Variants in PRKCZ observed in about 807,000 individuals in gnomAD.
PRKCZ encodes the protein protein kinase C zeta type.
A neutral mutation model predicts 79.5 loss-of-function variants in PRKCZ; 33 were observed. The observed-to-expected ratio is 0.41, with a 90% confidence interval of 0.31 to 0.55. PRKCZ has a LOEUF of 0.55. Ranked by LOEUF, PRKCZ falls within the 20% of genes least tolerant of loss-of-function variation. The pLI is 0.19. For missense variants in PRKCZ, 578 were observed against 813.5 expected, an observed-to-expected ratio of 0.71 and a Z score of 3.52; for synonymous variants, 342 against 320.9, an observed-to-expected ratio of 1.07 and a Z score of -0.70.
rs1250235560 is a variant in PRKCZ at position 2,082,221 on chromosome 1, C to T, written c.334+22630C>T. 3 of 367,704 alleles carry T rather than the reference C, an allele frequency of 8.2e-6. No individual in the cohort carries two copies. The highest frequency in any genetic ancestry group is 4.1e-5 in the South Asian group (2 of 49,048). 22.8% of individuals were successfully genotyped at this position (367,704 alleles called of 1,614,324 possible). On this transcript the variant is annotated intron_variant, in intron 4 of 17. Coordinates refer to ENST00000378567, the MANE Select transcript of PRKCZ (RefSeq NM_002744.6). This position sits in a 1 kb window ranked among gnomAD's most constrained non-coding sequence, Gnocchi z 4.4. ...CCCGCTCTGTCCCGCCTGTTGTGTG[C>T]GCCTTTTCCCTGCTCCAGGGCTGTG... is the stretch of plus-strand genomic sequence containing the variant.
At chr1:2,158,016 C>T (rs1681439363) in intron 10 of PRKCZ, among the ~76,000 whole-genome samples, 2 of 152,234 alleles carry the variant, frequency 1.3e-5, no homozygotes, top group Admixed American at 6.5e-5. Context: ...TGCTCTCCTC[C>T]GCTGCACTCT....
intron 4 of PRKCZ, among the ~76,000 whole-genome samples, chr1:2,090,207 G>A (rs369503741): frequency 2.0e-5 from 3 of 152,208 alleles, no homozygotes; most frequent in African/African-American, 7.2e-5. Flanking sequence ...GGGTCAGGAC[G>A]GCAGCTTGGA....
At chr1:2,063,944 C>G (rs1471544539) in intron 4 of PRKCZ, among the ~76,000 whole-genome samples, 1 of 149,716 alleles carries the variant, frequency 6.7e-6, no homozygotes, top group African/African-American at 2.5e-5. Flanking sequence ...CTCCCAGATT[C>G]AAATGATTCT....
rs1015289778 is a variant in PRKCZ, at chr1:2,150,230, T to G, written c.688-560T>G. On this transcript the variant is annotated intron_variant, in intron 8 of 17. Coordinates refer to ENST00000378567, the MANE Select transcript of PRKCZ (RefSeq NM_002744.6). The stretch of plus-strand genomic sequence containing the variant: ...GAACAGCACCTCCCAAGGAACCGCC[T>G]CCTCCACCCCGACCTCCTTGCCAGG... Among the ~76,000 whole-genome samples, 11 of 147,782 alleles carry G rather than the reference T, an allele frequency of 7.4e-5. No individual in the cohort carries two copies. The East Asian group carries it at 1.8e-3, about 25-fold the overall frequency.
chr1:2,169,664 T>G (rs1465542851), intron 11 of PRKCZ, 60 bp downstream of exon 11: 1 of 935,142 alleles, frequency 1.1e-6, no homozygotes, highest in Non-Finnish European at 1.4e-6. Context: ...GGTGGGTGCG[T>G]GCGGTGTTGG....
At chr1:2,055,632 G>A (rs528355419) in intron 2 of PRKCZ, 70 bp downstream of exon 2, 4 of 1,550,402 alleles carry the variant, frequency 2.6e-6, no homozygotes, top group Admixed American at 2.0e-5. Flanking sequence ...CTCTGTGTGC[G>A]GAGTGTGCTC....
chr1:2,076,341 C>T (rs765026032), intron 4 of PRKCZ, among the ~76,000 whole-genome samples: 14 of 152,262 alleles, frequency 9.2e-5, no homozygotes, highest in South Asian at 2.1e-4. Flanking sequence ...CCGTCCCTCA[C>T]AGCACAGGCT....
chr1:2,093,376 G>T lies in PRKCZ; in HGVS notation c.334+33785G>T, dbSNP rs534443052. Among the ~76,000 whole-genome samples the T allele has an allele frequency of 2.6e-4, 40 of 152,250 alleles. 1 individual carries two copies. Among genetic ancestry groups the T allele is most frequent in the Admixed American group, 2.2e-3 (34 of 15,308 alleles). ...TGGCCGCCCTGGGGCAGGTCAGACC[G>T]CCGGGGTGTGGAGTGGGGTGCTTGC... On this transcript the variant is annotated intron_variant, in intron 4 of 17. Coordinates refer to ENST00000378567, the MANE Select transcript of PRKCZ (RefSeq NM_002744.6).
At chr1:2,158,087 G>A (rs262654) in intron 10 of PRKCZ, among the ~76,000 whole-genome samples, 33,572 of 152,070 alleles carry the variant, frequency 0.22, 4,627 homozygotes, top group Admixed American at 0.33. Flanking sequence ...TCTGTCTGTC[G>A]GAAGAGCCGG....
intron 4 of PRKCZ, among the ~76,000 whole-genome samples, chr1:2,097,807 C>T (rs1209274872): frequency 1.3e-5 from 2 of 152,228 alleles, no homozygotes; most frequent in Non-Finnish European, 2.9e-5. Flanking sequence ...TTAATTTTCT[C>T]AGCAAGGCAA....
chr1:2,094,833 C>T lies in PRKCZ; in HGVS notation c.334+35242C>T, dbSNP rs926582204. Among the ~76,000 whole-genome samples the T allele has an allele frequency of 6.6e-6, 1 of 152,214 alleles. No homozygotes were observed. Among genetic ancestry groups the T allele is most frequent in the East Asian group, 1.9e-4 (1 of 5,200 alleles). ...TGGCTTCTCTGCTGGCTCTTTTGGC[C>T]TTGGATTCATTTCTGGAGCTGCAGA... On this transcript the variant is annotated intron_variant, in intron 4 of 17. Transcript: ENST00000378567. This position sits in a 1 kb window ranked among gnomAD's most constrained non-coding sequence, Gnocchi z 7.3.
chr1:2,131,987 A>G (rs1364531791), intron 4 of PRKCZ, among the ~76,000 whole-genome samples: 3 of 152,032 alleles, frequency 2.0e-5, no homozygotes, highest in Non-Finnish European at 4.4e-5. Context: ...AATTTTTTGT[A>G]TTTTTAGTAG....
chr1:2,084,624 G>A (rs567526898), intron 4 of PRKCZ, among the ~76,000 whole-genome samples: 179 of 152,334 alleles, frequency 1.2e-3, no homozygotes, highest in Non-Finnish European at 2.2e-3. Context: ...GCATGGAGGC[G>A]TTCTGCACCC....
chr1:2,127,174 G>A lies in PRKCZ; in HGVS notation c.335-8088G>A, dbSNP rs76224365. On this transcript the variant is annotated intron_variant, in intron 4 of 17. Coordinates refer to ENST00000378567, the MANE Select transcript of PRKCZ (RefSeq NM_002744.6). This position sits in a 1 kb window ranked among gnomAD's most constrained non-coding sequence, Gnocchi z 5.1. ...TGCCAGTCCCCAAAACAGACCCTGCGCCCCGGGCAACCATCTGCTTCCCGC... is the reference window on the plus strand; with the variant it reads ...TGCCAGTCCCCAAAACAGACCCTGCACCCCGGGCAACCATCTGCTTCCCGC... Among the ~76,000 whole-genome samples, 4,868 of 152,298 alleles carry A rather than the reference G, an allele frequency of 0.032. 242 individuals carry two copies. Among genetic ancestry groups the A allele is most frequent in the African/African-American group, 0.097 (4,045 of 41,554 alleles).
At chr1:2,088,270 C>T (rs2102455656) in intron 4 of PRKCZ, among the ~76,000 whole-genome samples, 1 of 152,162 alleles carries the variant, frequency 6.6e-6, no homozygotes. Flanking sequence ...CCTCACTGCT[C>T]CCTCCCCCTT....
chr1:2,076,743 A>G (rs985731268), intron 4 of PRKCZ, among the ~76,000 whole-genome samples: 4 of 84,864 alleles, frequency 4.7e-5, no homozygotes, highest in Non-Finnish European at 6.8e-5. Context: ...CTCCATCTTG[A>G]AAAAAAAAAA....
chr1:2,053,520 C>T (rs555901907), intron 1 of PRKCZ, among the ~76,000 whole-genome samples: 1 of 152,288 alleles, frequency 6.6e-6, no homozygotes, highest in East Asian at 1.9e-4. Flanking sequence ...GGTGCTGAGT[C>T]CTGGACGCCC....
At chr1:2,116,341 T>C (rs1670762156) in intron 4 of PRKCZ, 1 of 152,228 alleles carries the variant, frequency 6.6e-6, no homozygotes, top group Admixed American at 6.5e-5. Context: ...TCCCGGGTTA[T>C]TGGGGACCCT....
intron 4 of PRKCZ, among the ~76,000 whole-genome samples, chr1:2,085,162 C>T: frequency 6.6e-6 from 1 of 152,122 alleles, no homozygotes. Context: ...AGTAGAGAGG[C>T]AGCTGAGTGG....
Sources: gnomAD v4.1 joint callset for allele counts (sites outside exome capture counted in the v4.1 genomes callset) on GRCh38, gnomAD v4.1.1 for gene constraint, Gnocchi (gnomAD v3.1) non-coding constraint, MANE v1.5 for transcripts, NCBI Gene and HGNC (gene_info 2026-07-23, HGNC 2026-07-21) for gene names.